Variants in ANKRD55 observed in about 807,000 individuals in gnomAD.
ANKRD55 encodes ankyrin repeat domain-containing protein 55.
In ANKRD55, 41 loss-of-function variants were observed where a neutral mutation model predicts 60.6. The ratio of observed to expected loss-of-function variants is 0.68; its 90% CI spans 0.53 to 0.88. The LOEUF is 0.88. Among genes scored for constraint, ANKRD55 ranks in the 40% least tolerant of loss-of-function variants. ANKRD55 has a pLI of 0.00. For missense variants in ANKRD55, 732 were observed against 767.6 expected (o/e 0.95, Z 0.55); for synonymous variants, 264 against 290.3 (o/e 0.91, Z 0.92).
At chr5:56,182,255 A>C (rs1010207051) in intron 3 of ANKRD55, among the ~76,000 whole-genome samples, 3 of 152,122 alleles carry the variant, frequency 2.0e-5, no homozygotes, top group African/African-American at 7.2e-5. Flanking sequence ...TAAAATTATG[A>C]AGTCAATTTC....
chr5:56,130,756 G>C (rs12517331), intron 7 of ANKRD55, among the ~76,000 whole-genome samples: 18,802 of 152,256 alleles, frequency 0.12, 1,247 homozygotes, highest in Middle Eastern at 0.24. Flanking sequence ...TGTCAGAACA[G>C]ATGGGCGATG....
At chr5:56,225,776 A>G (rs1355967069) in intron 2 of ANKRD55, among the ~76,000 whole-genome samples, 1 of 152,214 alleles carries the variant, frequency 6.6e-6, no homozygotes, top group African/African-American at 2.4e-5. Flanking sequence ...CCAACTTACA[A>G]GGGATGTGAA....
Position 56,232,889 on chromosome 5 carries a change from A to C in ANKRD55, c.25T>G (p.Phe9Val). 6.2e-7 allele frequency: 1 copy of C among 1,614,172 alleles called. No homozygotes were observed. Among genetic ancestry groups the C allele is most frequent in the South Asian group, 1.1e-5 (1 of 91,076 alleles). The change falls in exon 2 of 12, where the codon TTC becomes GTC. Residue 9 changes from phenylalanine to valine, a missense_variant. By Grantham distance (50) the Phe-to-Val change is conservative. This residue lies in a region of ANKRD55 where 131 missense variants were observed against 142.7 expected (regional missense o/e 0.92). Transcript: ENST00000341048. Reference sequence around the variant, plus strand: ...TGATCAAACACAGAAGGGGTGCTGAAATCCATGGTAGCCTGTCTCATCATT... The same window carrying C: ...TGATCAAACACAGAAGGGGTGCTGACATCCATGGTAGCCTGTCTCATCATT... MMRQATMD[F>V]STPSVFDQQR...
chr5:56,165,929 CA>C (rs569346450), intron 5 of ANKRD55, among the ~76,000 whole-genome samples: 61 of 145,128 alleles, frequency 4.2e-4, no homozygotes, highest in Non-Finnish European at 6.5e-4. Context: ...AACTCTGTCT[CA>C]AAAAAAAAAA....
chr5:56,231,678 C>T (rs755772645), intron 2 of ANKRD55, among the ~76,000 whole-genome samples: 3,847 of 150,724 alleles, frequency 0.026, 54 homozygotes, highest in South Asian at 0.044. Flanking sequence ...CACACACACA[C>T]ACACACACAC....
intron 5 of ANKRD55, 124 bp downstream of exon 5, chr5:56,170,570 C>CAAAAA (rs3047043): frequency 9.0e-5 from 55 of 614,500 alleles, no homozygotes; most frequent in East Asian, 2.0e-4. Flanking sequence ...GCTGCAACTT[C>CAAAAA]AAAAAAAAAA....
At chr5:56,110,596 G>A (rs116825778) in intron 10 of ANKRD55, 2,308 of 154,760 alleles carry the variant, frequency 0.015, 29 homozygotes, top group Non-Finnish European at 0.024. Context: ...ACGCAAGAGG[G>A]AGAATTGCTT....
chr5:56,172,806 C>G (rs141206310), intron 4 of ANKRD55, among the ~76,000 whole-genome samples: 16 of 152,226 alleles, frequency 1.1e-4, no homozygotes, highest in African/African-American at 3.9e-4. Context: ...ACGTCACACA[C>G]CTGTGAAATC....
intron 2 of ANKRD55, chr5:56,192,848 C>T: frequency 1.5e-6 from 1 of 688,426 alleles, no homozygotes; most frequent in Non-Finnish European, 2.5e-6. Context: ...TCAAAACCTA[C>T]AGAAAAAGGC....
intron 2 of ANKRD55, among the ~76,000 whole-genome samples, chr5:56,188,361 C>G (rs866267050): frequency 7.5e-6 from 1 of 133,154 alleles, no homozygotes; most frequent in African/African-American, 3.3e-5. Context: ...CCGCCACCCC[C>G]CTACAACCAA....
chr5:56,168,410 C>A (rs939212014), intron 5 of ANKRD55, among the ~76,000 whole-genome samples: 8 of 152,224 alleles, frequency 5.3e-5, no homozygotes, highest in Non-Finnish European at 1.2e-4. Context: ...TAGGAGACAG[C>A]TCGGTTAACA....
intron 10 of ANKRD55, among the ~76,000 whole-genome samples, chr5:56,109,038 AACACACACACACACAC>A (rs60023559): frequency 7.0e-6 from 1 of 143,878 alleles, no homozygotes; most frequent in South Asian, 2.2e-4. Flanking sequence ...TCTGTCTCAA[AACACACACACACACAC>A]ACACACACAC....
At chr5:56,133,014 G>A (rs529484015) in intron 7 of ANKRD55, among the ~76,000 whole-genome samples, 1 of 152,286 alleles carries the variant, frequency 6.6e-6, no homozygotes, top group South Asian at 2.1e-4. Flanking sequence ...CAAAATATGC[G>A]AGGCAAAACC....
At chr5:56,181,246 T>C (rs1265649242) in intron 3 of ANKRD55, among the ~76,000 whole-genome samples, 1 of 152,186 alleles carries the variant, frequency 6.6e-6, no homozygotes, top group Admixed American at 6.5e-5. Flanking sequence ...CTATGCTGAA[T>C]TGGAGTGGTG....
At chr5:56,160,429 C>T (rs540925494) in intron 5 of ANKRD55, among the ~76,000 whole-genome samples, 41 of 152,198 alleles carry the variant, frequency 2.7e-4, no homozygotes, top group Middle Eastern at 3.4e-3. Context: ...TTAGTAGAGA[C>T]GGGGTTTCAC....
chr5:56,202,858 C>T (rs946625676), intron 2 of ANKRD55, among the ~76,000 whole-genome samples: 1 of 152,078 alleles, frequency 6.6e-6, no homozygotes, highest in Admixed American at 6.6e-5. Context: ...GAGCATCTCT[C>T]CTGCATGAAG....
At chr5:56,232,992 A>T in intron 1 of ANKRD55, 46 bp from the exon 2 acceptor site, 1 of 1,327,510 alleles carries the variant, frequency 7.5e-7, no homozygotes, top group Non-Finnish European at 1.1e-6. Flanking sequence ...TCAACATGAC[A>T]GTCAGAGGCA....
At chr5:56,160,480 C>T (rs1041054548) in intron 5 of ANKRD55, among the ~76,000 whole-genome samples, 1 of 152,166 alleles carries the variant, frequency 6.6e-6, no homozygotes, top group African/African-American at 2.4e-5. Context: ...ACCTCGTGGT[C>T]CGCCCGCCTA....
At chr5:56,179,630 T>C (rs3906900) in intron 3 of ANKRD55, among the ~76,000 whole-genome samples, 6,903 of 152,222 alleles carry the variant, frequency 0.045, 540 homozygotes, top group African/African-American at 0.16. Flanking sequence ...CTTTGCCACA[T>C]GGTAAAGTGT....
Sources: allele counts gnomAD v4.1 joint callset (sites outside exome capture counted in the v4.1 genomes callset), GRCh38; gene constraint gnomAD v4.1.1; regional missense constraint gnomAD v4.1.1; transcripts MANE v1.5; gene names NCBI Gene and HGNC (gene_info 2026-07-23, HGNC 2026-07-21).